Variants in ITLN2 observed in about 807,000 individuals in gnomAD.
ITLN2 encodes intelectin 2.
In ITLN2, 29 loss-of-function variants were observed where a neutral mutation model predicts 39.4. The ratio of observed to expected loss-of-function variants is 0.74; its 90% confidence interval spans 0.55 to 1.00. The LOEUF is 1.00. Among genes scored for constraint, ITLN2 ranks in the 50% least tolerant of loss-of-function variants. The pLI is 0.00. For missense variants in ITLN2, 412 were observed against 416.7 expected (o/e 0.99, Z 0.10); for synonymous variants, 156 against 153.4 (o/e 1.02, Z -0.12).
chr1:160,950,179 A>G lies in ITLN2; in HGVS notation c.601-13T>C, dbSNP rs1374250840. 4 of 1,613,686 alleles carry G rather than the reference A, an allele frequency of 2.5e-6. No homozygotes were observed. The African/African-American group carries it at 5.3e-5, about 22-fold the overall frequency. ...TCACTGGGTATTTCTGCAGAGACCC[A>G]GAAGAAAGGTTTTGTGAGGACAGTA... On this transcript the variant is annotated splice_polypyrimidine_tract_variant and intron_variant, in intron 5 of 7. Transcript: ENST00000368029.
Position 160,951,082 on chromosome 1 carries a change from G to A in ITLN2, c.402C>T (p.Thr134=), listed in dbSNP as rs1671731350. 6.2e-7 allele frequency: 1 copy of A among 1,614,182 alleles called. No individual in the cohort carries two copies. The highest frequency in any genetic ancestry group is 1.7e-5 in the Admixed American group (1 of 60,034). The change falls in exon 4 of 8, where the codon ACC becomes ACT. Residue 134 remains threonine, a synonymous_variant. Transcript: ENST00000368029. ...TCGTGGCCGCCTCTGCAGATCCAAA[G>A]GTGTTGTAGTTGGCCCAGTTGCCAT... ...EGDGNWANYN[T]FGSAEAATSD...
rs1184316630 is a variant in ITLN2, at chr1:160,950,082, T to C, written c.685A>G (p.Lys229Glu). 6.2e-7 allele frequency: 1 copy of C among 1,613,994 alleles called. No individual in the cohort carries two copies. Among genetic ancestry groups the C allele is most frequent in the East Asian group, 2.2e-5 (1 of 44,892 alleles). The part of the protein sequence containing the change: ...IPVVYDFGDA[K>E]KTASYYSPYG... The stretch of plus-strand genomic sequence containing the variant: ...GGTGAGTAATAAGATGCAGTCTTCT[T>C]AGCATCACCAAAGTCATAGACCACA... Residue 229 changes from lysine (K) to glutamate (E), a missense_variant, in exon 6 of 8, where the codon AAG (lysine) becomes GAG (glutamate). Coordinates refer to ENST00000368029, the MANE Select transcript of ITLN2 (RefSeq NM_080878.3).
intron 2 of ITLN2, among the ~76,000 whole-genome samples, chr1:160,953,050 C>T (rs188045126): frequency 1.8e-4 from 28 of 152,292 alleles, no homozygotes; most frequent in African/African-American, 6.5e-4. Context: ...GATGGGAGGG[C>T]AAACCCACTA....
At chr1:160,950,981 G>C in intron 4 of ITLN2, 62 bp downstream of exon 4, 13 of 1,613,586 alleles carry the variant, frequency 8.1e-6, no homozygotes, top group Non-Finnish European at 1.1e-5. Context: ...CCTCCTGCAG[G>C]CTGGTGGCCA....
intron 3 of ITLN2, 101 bp downstream of exon 3, chr1:160,952,519 C>T (rs1240483039): frequency 2.3e-5 from 18 of 784,486 alleles, no homozygotes; most frequent in South Asian, 1.9e-4. Flanking sequence ...GGGGGCAGAA[C>T]AGGCTCCATA....
chr1:160,954,250 G>C, intron 2 of ITLN2, 137 bp downstream of exon 2: 1 of 681,202 alleles, frequency 1.5e-6, no homozygotes, highest in Non-Finnish European at 2.5e-6. Context: ...TGGCTGCCTA[G>C]CCTGGGTTCC....
At chr1:160,954,013 G>A (rs999747030) in intron 2 of ITLN2, among the ~76,000 whole-genome samples, 1 of 152,142 alleles carries the variant, frequency 6.6e-6, no homozygotes, top group African/African-American at 2.4e-5. Context: ...AGAGGAGGGT[G>A]TACCCTGGAC....
intron 6 of ITLN2, chr1:160,949,261 A>G (rs962303921): frequency 4.6e-5 from 7 of 152,168 alleles, no homozygotes; most frequent in African/African-American, 1.4e-4. Flanking sequence ...ATCGGGTTTT[A>G]CACCAAAACA....
chr1:160,951,606 CTACAGCAGGATAGGGCCTCTG>C (rs1237956167), intron 3 of ITLN2: 1 of 271,804 alleles, frequency 3.7e-6, no homozygotes, highest in Non-Finnish European at 6.9e-6. Flanking sequence ...ACATCTGATT[CTACAGCAGGATAGGGCCTCTG>C]TGCAGCTCAG....
At chr1:160,953,845 T>C (rs1671804666) in intron 2 of ITLN2, among the ~76,000 whole-genome samples, 1 of 152,312 alleles carries the variant, frequency 6.6e-6, no homozygotes, top group Admixed American at 6.5e-5. Context: ...TTTATACGCA[T>C]GGAGATCAAA....
intron 3 of ITLN2, 104 bp from the exon 4 acceptor site, chr1:160,951,394 C>G: frequency 7.0e-7 from 1 of 1,427,924 alleles, no homozygotes; most frequent in Non-Finnish European, 9.4e-7. Context: ...ACTCAGAAGA[C>G]TCCAACACAT....
intron 2 of ITLN2, among the ~76,000 whole-genome samples, chr1:160,954,147 CA>C (rs1364239976): frequency 6.6e-6 from 1 of 152,160 alleles, no homozygotes; most frequent in African/African-American, 2.4e-5. Context: ...AGCAGAGAAT[CA>C]AGCCCTAGGA....
rs1671650516 is a variant in ITLN2, at chr1:160,948,174, AC to A, written c.722-143del. 4 of 639,348 alleles carry A rather than the reference AC, an allele frequency of 6.3e-6. No individual in the cohort carries two copies. The Admixed American group carries it at 8.2e-5, about 13-fold the overall frequency. 39.6% of individuals were successfully genotyped at this position (639,348 alleles called of 1,614,324 possible). A position where few individuals can be genotyped will look rare whatever the true frequency, so the allele number is the denominator to read the frequency against. Reference sequence around the variant, plus strand: ...CCAGGCTGTAGGGGTGCAGCCCAGTACCTTTATGGCCAGTGGCTGGTGCACG... The same window carrying A: ...CCAGGCTGTAGGGGTGCAGCCCAGTACTTTATGGCCAGTGGCTGGTGCACG... On this transcript the variant is annotated intron_variant, in intron 6 of 7. Transcript: ENST00000368029.
At position 160,954,277 on chromosome 1, in the gene ITLN2, T is replaced by C. The variant is rs1570978151; in HGVS notation, c.79+110A>G. On this transcript the variant is annotated intron_variant, in intron 2 of 7. Transcript: ENST00000368029. ...CTGGGTTCCCTGCCTCTCCAGAACT[T>C]CCCCTTTGACCCTTGACTTCAGAGC... is the stretch of plus-strand genomic sequence containing the variant. 1.9e-5 allele frequency: 16 copies of C among 839,930 alleles called. No homozygotes were observed. The East Asian group carries it at 4.3e-4, about 23-fold the overall frequency. The allele number at this position is 839,930 out of a possible 1,614,324, so 52.0% of individuals were successfully genotyped here. A position where few individuals can be genotyped will look rare whatever the true frequency, so the allele number is the denominator to read the frequency against.
rs1003428770 is a variant in ITLN2, at chr1:160,951,370, G to A, written c.194-80C>T. On this transcript the variant is annotated intron_variant, in intron 3 of 7. Transcript: ENST00000368029. ...AGCTCCGTGAATAGAAAAGCCCTAG[G>A]AAGTCAAAAGCACACTCAGAAGACT... The A allele has an allele frequency of 2.0e-6, 3 of 1,508,656 alleles. No homozygotes were observed. The Admixed American group carries it at 6.8e-5, about 34-fold the overall frequency. 93.5% of individuals were successfully genotyped at this position (1,508,656 alleles called of 1,614,324 possible). A position where few individuals can be genotyped will look rare whatever the true frequency, so the allele number is the denominator to read the frequency against.
Position 160,951,176 on chromosome 1 carries a change from C to T in ITLN2, c.308G>A (p.Arg103His), listed in dbSNP as rs6680969. 0.55 allele frequency: 883,403 copies of T among 1,613,824 alleles called. 244,433 individuals carry two copies. The highest frequency in any genetic ancestry group is 0.64 in the Middle Eastern group (3,857 of 6,062). ...GCGATCACCCACCGTGCACTTCCCA[C>T]GCATGTCATTCTCGTGCACGCTGGC... ...LVASVHENDM[R>H]GKCTVGDRWS... The change falls in exon 4 of 8, where the codon CGT becomes CAT. Residue 103 changes from arginine (R) to histidine (H), a missense_variant. Physicochemically the swap from Arg to His is conservative, Grantham distance 29. Transcript: ENST00000368029.
intron 3 of ITLN2, among the ~76,000 whole-genome samples, chr1:160,951,751 A>G (rs1490458137): frequency 1.3e-5 from 2 of 152,150 alleles, no homozygotes; most frequent in African/African-American, 4.8e-5. Context: ...GACCTTGCAC[A>G]TTTGCGCATA....
At chr1:160,952,379 T>A (rs1200269411) in intron 3 of ITLN2, among the ~76,000 whole-genome samples, 1 of 152,160 alleles carries the variant, frequency 6.6e-6, no homozygotes, top group Admixed American at 6.5e-5. Flanking sequence ...CTCAGACGCA[T>A]CACAGTTCTT....
intron 3 of ITLN2, 37 bp from the exon 4 acceptor site, chr1:160,951,327 G>C (rs1671738982): frequency 6.5e-7 from 1 of 1,540,402 alleles, no homozygotes; most frequent in South Asian, 1.3e-5. Context: ...CCCTGTCTGA[G>C]AGCTCAGGGT....
Sources: allele counts gnomAD v4.1 joint callset (sites outside exome capture counted in the v4.1 genomes callset), GRCh38; gene constraint gnomAD v4.1.1; transcripts MANE v1.5; gene names NCBI Gene and HGNC (gene_info 2026-07-23, HGNC 2026-07-21).